LRBA: variants seen among roughly 807,000 people sequenced by gnomAD.
LRBA encodes lipopolysaccharide-responsive and beige-like anchor protein.
In LRBA, 176 loss-of-function variants were observed where a neutral mutation model predicts 330.0. The observed-to-expected ratio is 0.53, with a 90% confidence interval of 0.47 to 0.60. The LOEUF (loss-of-function observed/expected upper bound fraction) is 0.60. LRBA is among the 20% of genes least tolerant of loss of function. The pLI is 0.00. For missense variants in LRBA, 3,259 were observed against 3,444.8 expected (o/e 0.95, Z 1.35); for synonymous variants, 1,230 against 1,193.0 (o/e 1.03, Z -0.64).
At chr4:150,561,500 T>G (rs1768338960) in intron 40 of LRBA, among the ~76,000 whole-genome samples, 2 of 152,036 alleles carry the variant, frequency 1.3e-5, no homozygotes, top group South Asian at 4.2e-4. Context: ...ATTACAAGAG[T>G]ACCTTAAAGT....
chr4:150,806,448 T>C (rs370986123), intron 32 of LRBA, 44 bp from the exon 33 acceptor site: 2 of 1,355,386 alleles, frequency 1.5e-6, no homozygotes, highest in Non-Finnish European at 2.0e-6. Context: ...CAACAGATTG[T>C]ATCAATTTTC....
rs572074355 is a variant in LRBA, at chr4:150,407,605, C to T, written c.7194+7833G>A. 5.3e-5 allele frequency among the ~76,000 whole-genome samples: 8 copies of T among 152,260 alleles called. No individual in the cohort carries two copies. The South Asian group carries it at 1.7e-3, about 32-fold the overall frequency. On this transcript the variant is annotated intron_variant, in intron 47 of 56. Coordinates refer to ENST00000651943, the MANE Select transcript of LRBA (RefSeq NM_001364905.1). ...TCTTCTAAAGATAACATGAAGAATT[C>T]TCCTATATAGACCCAATGCTAGGTT... is the stretch of plus-strand genomic sequence containing the variant.
intron 36 of LRBA, among the ~76,000 whole-genome samples, chr4:150,690,542 G>C (rs1334158315): frequency 1.3e-5 from 2 of 148,272 alleles, no homozygotes; most frequent in African/African-American, 2.5e-5. Context: ...AGTAACTTTA[G>C]AAAACAAAGT....
chr4:151,003,885 CTGTGTGTG>C (rs56025404), intron 2 of LRBA, among the ~76,000 whole-genome samples: 13,047 of 134,098 alleles, frequency 0.097, 833 homozygotes, highest in African/African-American at 0.18. Flanking sequence ...TAGCCAACTG[CTGTGTGTG>C]TGTGTGTGTG....
At chr4:150,434,126 C>T (rs1021220963) in intron 46 of LRBA, among the ~76,000 whole-genome samples, 1 of 152,218 alleles carries the variant, frequency 6.6e-6, no homozygotes, top group East Asian at 1.9e-4. Flanking sequence ...TATTTCTCAT[C>T]TGGCACTTAT....
intron 2 of LRBA, among the ~76,000 whole-genome samples, chr4:150,981,894 C>T (rs1740888539): frequency 1.4e-5 from 2 of 146,070 alleles, no homozygotes; most frequent in Admixed American, 1.4e-4. Flanking sequence ...ACCCGGGAGG[C>T]GGAGGTTGCA....
At chr4:150,266,436 G>T (rs749586094) in intron 56 of LRBA, among the ~76,000 whole-genome samples, 2 of 152,184 alleles carry the variant, frequency 1.3e-5, no homozygotes, top group Non-Finnish European at 2.9e-5. Context: ...CAAGCTTCTT[G>T]GTCTCCTGTC....
intron 40 of LRBA, among the ~76,000 whole-genome samples, chr4:150,504,813 G>A (rs1379729600): frequency 6.6e-6 from 1 of 152,152 alleles, no homozygotes; most frequent in Non-Finnish European, 1.5e-5. Flanking sequence ...CCATCAGTGT[G>A]CTGTATTCAG....
intron 41 of LRBA, among the ~76,000 whole-genome samples, 190 bp downstream of exon 41, chr4:150,490,728 C>A (rs1758804969): frequency 6.6e-6 from 1 of 151,634 alleles, no homozygotes; most frequent in South Asian, 2.1e-4. Flanking sequence ...AAAAGAATTA[C>A]AAATGATTCT....
intron 2 of LRBA, among the ~76,000 whole-genome samples, chr4:150,961,823 A>C (rs1205956623): frequency 6.7e-6 from 1 of 149,654 alleles, no homozygotes; most frequent in Non-Finnish European, 1.5e-5. Flanking sequence ...AGACAACAGG[A>C]AATTATCACA....
chr4:150,416,005 A>C (rs1368489729), intron 46 of LRBA, among the ~76,000 whole-genome samples: 1 of 152,200 alleles, frequency 6.6e-6, no homozygotes, highest in Non-Finnish European at 1.5e-5. Flanking sequence ...TTAAAATGCC[A>C]ATGTCTTGGT....
intron 18 of LRBA, among the ~76,000 whole-genome samples, chr4:150,872,302 C>T (rs1454342875): frequency 2.6e-5 from 4 of 152,144 alleles, no homozygotes; most frequent in Admixed American, 6.5e-5. Flanking sequence ...GTTACGCATA[C>T]AGCAGAACAC....
rs1745138565 is a variant in LRBA at position 150,265,080 on chromosome 4, T to TAACTA, written c.*637_*641dup. The TAACTA allele has an allele frequency of 6.5e-6, 1 of 152,736 alleles. No individual in the cohort carries two copies. The highest frequency in any genetic ancestry group is 2.4e-5 in the African/African-American group (1 of 41,464). The allele number at this position is 152,736 out of a possible 1,614,324, so 9.5% of individuals were successfully genotyped here. Reference sequence around the variant, plus strand: ...AAGATGACAGATCAGGAAAAAATGGTAACTATTTCACACTTGCTATAAATT... The same window carrying TAACTA: ...AAGATGACAGATCAGGAAAAAATGGTAACTAAACTATTTCACACTTGCTATAAATT... On this transcript the variant is annotated 3_prime_UTR_variant, in exon 57 of 57. Coordinates refer to ENST00000651943, the MANE Select transcript of LRBA (RefSeq NM_001364905.1).
At chr4:150,900,003 C>A in intron 14 of LRBA, 46 bp downstream of exon 14, 2 of 1,401,200 alleles carry the variant, frequency 1.4e-6, no homozygotes, top group South Asian at 1.5e-5. Flanking sequence ...AAATTAAATC[C>A]TGATTTGCAT....
At chr4:150,488,161 A>G (rs1758115469) in intron 41 of LRBA, among the ~76,000 whole-genome samples, 1 of 151,686 alleles carries the variant, frequency 6.6e-6, no homozygotes, top group African/African-American at 2.4e-5. Flanking sequence ...ATAATGTGAC[A>G]TGAAGCTGCA....
chr4:150,837,491 C>A (rs1748308600), intron 28 of LRBA, among the ~76,000 whole-genome samples: 1 of 152,138 alleles, frequency 6.6e-6, no homozygotes, highest in African/African-American at 2.4e-5. Context: ...GTATTGGGTG[C>A]ATATATATTT....
At chr4:150,270,099 G>A (rs1745868760) in intron 56 of LRBA, among the ~76,000 whole-genome samples, 1 of 152,194 alleles carries the variant, frequency 6.6e-6, no homozygotes, top group Non-Finnish European at 1.5e-5. Context: ...TGTTGATAAG[G>A]ATGTGGAGAA....
intron 2 of LRBA, among the ~76,000 whole-genome samples, chr4:150,973,187 G>C (rs558982399): frequency 7.1e-6 from 1 of 141,690 alleles, no homozygotes; most frequent in Non-Finnish European, 1.6e-5. Context: ...TGTTTTTGGA[G>C]ACAAAGTTTT....
chr4:150,422,540 C>T, intron 46 of LRBA: 1 of 449,870 alleles, frequency 2.2e-6, no homozygotes. Context: ...CACTCCTGAC[C>T]CACACTATCC....
Sources: allele counts gnomAD v4.1 joint callset (sites outside exome capture counted in the v4.1 genomes callset), GRCh38; gene constraint gnomAD v4.1.1; transcripts MANE v1.5; gene names NCBI Gene and HGNC (gene_info 2026-07-23, HGNC 2026-07-21).